LRIG1: variants seen among roughly 807,000 people sequenced by gnomAD.
LRIG1 encodes the protein leucine-rich repeats and immunoglobulin-like domains protein 1.
Under a neutral mutation model 99.2 loss-of-function variants are expected in LRIG1, and 48 were observed. The observed-to-expected ratio is 0.48, with a 90% CI of 0.38 to 0.62. The LOEUF is 0.62. Among genes scored for constraint, LRIG1 ranks in the 20% least tolerant of loss-of-function variants. The pLI is 0.00. For synonymous variants in LRIG1, 772 were observed against 596.1 expected (o/e 1.29, Z -4.30); for missense variants, 1,646 against 1,434.4 (o/e 1.15, Z -2.38).
chr3:66,494,746 C>T (rs1036003729), intron 1 of LRIG1, among the ~76,000 whole-genome samples: 4 of 152,166 alleles, frequency 2.6e-5, no homozygotes, highest in African/African-American at 9.7e-5. Context: ...AAAAAAGAGA[C>T]ACAAATTGCC....
intron 3 of LRIG1, among the ~76,000 whole-genome samples, chr3:66,422,358 A>G (rs946286790): frequency 3.9e-5 from 6 of 152,204 alleles, no homozygotes; most frequent in African/African-American, 1.4e-4. Context: ...AACAGCACCC[A>G]AGTCACATCT....
chr3:66,470,053 T>A (rs1700561782), intron 1 of LRIG1, among the ~76,000 whole-genome samples: 1 of 152,238 alleles, frequency 6.6e-6, no homozygotes, highest in Non-Finnish European at 1.5e-5. Context: ...TGCTTGTTTC[T>A]GACTGAACAG....
intron 1 of LRIG1, among the ~76,000 whole-genome samples, chr3:66,488,399 G>C (rs955409580): frequency 2.6e-5 from 4 of 150,962 alleles, no homozygotes; most frequent in African/African-American, 7.3e-5. Flanking sequence ...GAGGTGGATG[G>C]ATCACTTGAG....
Position 66,414,905 on chromosome 3 carries a change from G to C in LRIG1, c.647+15C>G. On this transcript the variant is annotated intron_variant, in intron 5 of 18. Transcript: ENST00000273261. Reference sequence around the variant, plus strand: ...TTTGGCTAGCCTTAATTAAAGTGTAGGTTTCTGTACTCACAGTTGTGTCAG... The same window carrying C: ...TTTGGCTAGCCTTAATTAAAGTGTACGTTTCTGTACTCACAGTTGTGTCAG... 6.4e-7 allele frequency: 1 copy of C among 1,567,162 alleles called. No homozygotes were observed. The highest frequency in any genetic ancestry group is 8.6e-7 in the Non-Finnish European group (1 of 1,159,958).
chr3:66,478,137 C>T (rs1700765196), intron 1 of LRIG1, among the ~76,000 whole-genome samples: 2 of 152,174 alleles, frequency 1.3e-5, no homozygotes, highest in South Asian at 2.1e-4. Context: ...TTATTTGCCG[C>T]CTTTGAAAAG....
chr3:66,405,369 C>T lies in LRIG1; in HGVS notation c.1080-91G>A, dbSNP rs541226023. On this transcript the variant is annotated intron_variant, in intron 8 of 18. Coordinates refer to ENST00000273261, the MANE Select transcript of LRIG1 (RefSeq NM_015541.3). The stretch of plus-strand genomic sequence containing the variant: ...CAGCCTGCTGCTCGGAAGCTGAAGT[C>T]CCCTGGGTGCATGCACCCTGGAGGC... The T allele has an allele frequency of 4.7e-4, 487 of 1,033,260 alleles. 7 individuals carry two copies. The South Asian group carries it at 6.2e-3, about 13-fold the overall frequency. The allele number at this position is 1,033,260 out of a possible 1,614,324, so 64.0% of individuals were successfully genotyped here.
intron 7 of LRIG1, among the ~76,000 whole-genome samples, chr3:66,408,469 C>T (rs1000123702): frequency 6.6e-6 from 1 of 152,214 alleles, no homozygotes; most frequent in Non-Finnish European, 1.5e-5. Flanking sequence ...CTCAAGCGCA[C>T]TTCTGTGATC....
At chr3:66,431,608 G>C (rs776389934) in intron 3 of LRIG1, among the ~76,000 whole-genome samples, 1 of 152,190 alleles carries the variant, frequency 6.6e-6, no homozygotes, top group Non-Finnish European at 1.5e-5. Flanking sequence ...CAGCAACTGG[G>C]GGAGGGGGTC....
intron 6 of LRIG1, among the ~76,000 whole-genome samples, chr3:66,411,923 A>G (rs1307591947): frequency 2.4e-5 from 3 of 124,522 alleles, no homozygotes; most frequent in Admixed American, 1.9e-4. Flanking sequence ...ACTGGGGTGA[A>G]GAGAGAATGA....
chr3:66,431,557 A>G (rs560110523), intron 3 of LRIG1, among the ~76,000 whole-genome samples: 76 of 152,318 alleles, frequency 5.0e-4, no homozygotes, highest in African/African-American at 1.7e-3. Flanking sequence ...TGCACTTCAC[A>G]CAGCAAGGAC....
At chr3:66,430,707 A>G (rs1226939714) in intron 3 of LRIG1, among the ~76,000 whole-genome samples, 1 of 152,150 alleles carries the variant, frequency 6.6e-6, no homozygotes, top group Admixed American at 6.5e-5. Context: ...GGCATGGCAA[A>G]GCAGTACCAG....
chr3:66,431,250 T>G (rs28379347), intron 3 of LRIG1, among the ~76,000 whole-genome samples: 6,029 of 152,046 alleles, frequency 0.04, 392 homozygotes, highest in African/African-American at 0.14. Context: ...GGGAAGGAGG[T>G]AAGAAAACCA....
At chr3:66,442,286 AAATG>A (rs2106780338) in intron 3 of LRIG1, among the ~76,000 whole-genome samples, 1 of 152,338 alleles carries the variant, frequency 6.6e-6, no homozygotes, top group South Asian at 2.1e-4. Flanking sequence ...TAAAAGCTGA[AAATG>A]GCTCCCAGGT....
chr3:66,447,379 TATCTC>T (rs775298704), intron 3 of LRIG1, among the ~76,000 whole-genome samples: 16 of 152,050 alleles, frequency 1.1e-4, no homozygotes, highest in Non-Finnish European at 1.5e-5. Context: ...ACATTTATCT[TATCTC>T]ATTAAAAAAA....
intron 12 of LRIG1, chr3:66,386,924 A>C (rs1163656382): frequency 6.6e-5 from 10 of 151,770 alleles, no homozygotes; most frequent in Admixed American, 4.6e-4. Context: ...CCCCAGCTCC[A>C]TGGTAGCCTT....
intron 6 of LRIG1, among the ~76,000 whole-genome samples, chr3:66,411,006 G>A (rs1702446994): frequency 6.6e-6 from 1 of 152,230 alleles, no homozygotes; most frequent in Non-Finnish European, 1.5e-5. Context: ...CTTGCTGGCT[G>A]AATAAACCTG....
intron 3 of LRIG1, among the ~76,000 whole-genome samples, chr3:66,427,122 C>T (rs1359484388): frequency 2.0e-5 from 3 of 152,224 alleles, no homozygotes; most frequent in Non-Finnish European, 2.9e-5. Context: ...CAAAGTGATC[C>T]TGGCAGACAG....
intron 9 of LRIG1, among the ~76,000 whole-genome samples, chr3:66,403,945 C>A (rs1702162762): frequency 6.6e-6 from 1 of 152,218 alleles, no homozygotes; most frequent in Non-Finnish European, 1.5e-5. Flanking sequence ...TCTGCCCCAC[C>A]CCACTTGGTA....
chr3:66,495,189 A>T (rs1701198939), intron 1 of LRIG1, among the ~76,000 whole-genome samples: 1 of 152,228 alleles, frequency 6.6e-6, no homozygotes, highest in Admixed American at 6.5e-5. Context: ...AGTCATAAAA[A>T]ATAACAGTAA....
Sources: allele counts gnomAD v4.1 joint callset (sites outside exome capture counted in the v4.1 genomes callset), GRCh38; gene constraint gnomAD v4.1.1; transcripts MANE v1.5; gene names NCBI Gene and HGNC (gene_info 2026-07-23, HGNC 2026-07-21).